HK1: variants seen among roughly 807,000 people sequenced by gnomAD.
The protein encoded by HK1 is hexokinase 1.
HK1 carries 28 observed loss-of-function variants against 91.6 expected under a neutral mutation model. That is an observed-to-expected ratio of 0.31 (90% CI 0.23 to 0.42). The LOEUF (loss-of-function observed/expected upper bound fraction) is 0.42, where lower values mean the gene tolerates loss of function less well. HK1 is among the 10% of genes least tolerant of loss of function. The pLI, the probability that HK1 is intolerant of heterozygous loss-of-function variation, is 1.00. For synonymous variants in HK1, 430 were observed against 468.1 expected (o/e 0.92, Z 1.05); for missense variants, 770 against 1,219.8 (o/e 0.63, Z 5.49).
At chr10:69,315,257 GTACAGCTGTTAT>G (rs1236983267), upstream of HK1, among the ~76,000 whole-genome samples, 1 of 152,204 alleles carries the variant, frequency 6.6e-6, no homozygotes, top group African/African-American at 2.4e-5. Flanking sequence ...GGTGCGGGAG[GTACAGCTGTTAT>G]CTGTTGGAGA....
chr10:69,349,905 A>C (rs963167920), intron 2 of HK1, among the ~76,000 whole-genome samples: 32 of 152,240 alleles, frequency 2.1e-4, no homozygotes, highest in Admixed American at 2.1e-3. Flanking sequence ...CTAGTTTCCT[A>C]TAACTGGGAA....
At chr10:69,400,694 C>G (rs1485580325) in intron 17 of HK1, among the ~76,000 whole-genome samples, 1 of 152,186 alleles carries the variant, frequency 6.6e-6, no homozygotes, top group Non-Finnish European at 1.5e-5. Context: ...GTTGGGCCTC[C>G]CTGCTGAAAA....
At chr10:69,355,005 G>A (rs1366145948) in intron 2 of HK1, among the ~76,000 whole-genome samples, 2 of 143,476 alleles carry the variant, frequency 1.4e-5, no homozygotes, top group Admixed American at 1.5e-4. Flanking sequence ...GGAGGCAGAG[G>A]TTGCAATGAG....
chr10:69,343,809 C>A lies in HK1; in HGVS notation c.64-18C>A. On this transcript the variant is annotated intron_variant, in intron 1 of 17. Transcript: ENST00000359426. ...CTCCCCCTCGACCTCACTCTCCTTC[C>A]TTCTCATCCCCCTCCAGATTGACAA... is the stretch of plus-strand genomic sequence containing the variant. 1.2e-6 allele frequency: 2 copies of A among 1,606,530 alleles called. No individual in the cohort carries two copies. The highest frequency in any genetic ancestry group is 1.7e-6 in the Non-Finnish European group (2 of 1,173,274).
intron 2 of HK1, among the ~76,000 whole-genome samples, chr10:69,287,138 T>C (rs1845070368): frequency 6.6e-6 from 1 of 151,822 alleles, no homozygotes; most frequent in African/African-American, 2.4e-5. Flanking sequence ...GACTGGGTAA[T>C]TTAAAAAGGA....
chr10:69,279,522 A>T (rs1844633759), intron 1 of HK1, among the ~76,000 whole-genome samples: 1 of 152,206 alleles, frequency 6.6e-6, no homozygotes, highest in Non-Finnish European at 1.5e-5. Flanking sequence ...AGAATGGTTA[A>T]ATGAATGTAT....
At chr10:69,355,102 A>G (rs1010472826) in intron 2 of HK1, among the ~76,000 whole-genome samples, 7 of 150,792 alleles carry the variant, frequency 4.6e-5, no homozygotes, top group Non-Finnish European at 8.9e-5. Flanking sequence ...AGATAGGAAC[A>G]GTGACATTCA....
At chr10:69,287,248 T>C (rs1222413804) in intron 2 of HK1, among the ~76,000 whole-genome samples, 3 of 152,158 alleles carry the variant, frequency 2.0e-5, no homozygotes, top group Non-Finnish European at 2.9e-5. Context: ...ACCTTCTTCA[T>C]ACGGCTGCAG....
chr10:69,332,754 G>A (rs1455033838), intron 1 of HK1, among the ~76,000 whole-genome samples: 1 of 152,062 alleles, frequency 6.6e-6, no homozygotes, highest in Non-Finnish European at 1.5e-5. Context: ...ATGAGAGAAT[G>A]GACGAGGAAA....
chr10:69,355,068 C>CAAAAA (rs775908068), intron 2 of HK1, among the ~76,000 whole-genome samples: 12 of 85,160 alleles, frequency 1.4e-4, no homozygotes, highest in East Asian at 4.5e-4. Context: ...GACTCCCTCT[C>CAAAAA]AAAAAAAAAA....
upstream of HK1, chr10:69,318,307 C>A: frequency 1.2e-6 from 1 of 833,172 alleles, no homozygotes; most frequent in Non-Finnish European, 1.4e-6. Flanking sequence ...GCGTCCCCGG[C>A]TCCCGCTTCC....
intron 2 of HK1, among the ~76,000 whole-genome samples, chr10:69,288,041 A>T (rs754857704): frequency 1.3e-5 from 2 of 151,844 alleles, no homozygotes; most frequent in Non-Finnish European, 2.9e-5. Context: ...GCAGCTACTC[A>T]GCAGGCTGAG....
At chr10:69,335,369 G>C (rs1265653812) in intron 1 of HK1, among the ~76,000 whole-genome samples, 1 of 152,222 alleles carries the variant, frequency 6.6e-6, no homozygotes, top group Non-Finnish European at 1.5e-5. Flanking sequence ...AGCTGGAGGG[G>C]AGAAGAGGCC....
intron 3 of HK1, among the ~76,000 whole-genome samples, chr10:69,362,904 G>A (rs1849506824): frequency 2.0e-5 from 3 of 152,216 alleles, no homozygotes; most frequent in Admixed American, 1.3e-4. Flanking sequence ...TGCAGCCTGA[G>A]TAATAGTGAC....
intron 8 of HK1, among the ~76,000 whole-genome samples, chr10:69,377,987 CA>C (rs1253485744): frequency 6.6e-6 from 1 of 152,234 alleles, no homozygotes; most frequent in Non-Finnish European, 1.5e-5. Context: ...AGATTTGCAT[CA>C]GCTCTCTTTG....
chr10:69,371,222 T>G (rs1419499000), intron 7 of HK1, among the ~76,000 whole-genome samples: 1 of 151,940 alleles, frequency 6.6e-6, no homozygotes, highest in Non-Finnish European at 1.5e-5. Context: ...ACACCCAGAG[T>G]TGAGCATCAC....
Position 69,341,122 on chromosome 10 carries a change from G to T in HK1, c.64-2705G>T, listed in dbSNP as rs376835978. On this transcript the variant is annotated intron_variant, in intron 1 of 17. Coordinates refer to ENST00000359426, the MANE Select transcript of HK1 (RefSeq NM_000188.3). ...CTCTCCTCCCAGGGCCATGTTTTTG[G>T]CAATTTTATTTCCTTTAAAAAATAT... Among the ~76,000 whole-genome samples the T allele has an allele frequency of 1.4e-4, 21 of 150,702 alleles. No homozygotes were observed. The East Asian group carries it at 3.5e-3, about 25-fold the overall frequency.
chr10:69,366,536 C>T (rs1480751715), intron 4 of HK1, among the ~76,000 whole-genome samples: 1 of 152,146 alleles, frequency 6.6e-6, no homozygotes, highest in Non-Finnish European at 1.5e-5. Context: ...AATGGCAGGC[C>T]TTGGACCAGG....
At chr10:69,360,176 G>C in intron 3 of HK1, 131 bp downstream of exon 3, 1 of 873,400 alleles carries the variant, frequency 1.1e-6, no homozygotes, top group Non-Finnish European at 1.9e-6. Context: ...CCTCATAGAT[G>C]CATATGTAAA....
Sources: gnomAD v4.1 joint callset for allele counts (sites outside exome capture counted in the v4.1 genomes callset) on GRCh38, gnomAD v4.1.1 for gene constraint, MANE v1.5 for transcripts, NCBI Gene and HGNC (gene_info 2026-07-23, HGNC 2026-07-21) for gene names.